The following ZMIZ1 variants were observed in gnomAD, a reference collection of about 807,000 sequenced individuals.
ZMIZ1 encodes zinc finger MIZ domain-containing protein 1.
Under a neutral mutation model 113.9 loss-of-function variants are expected in ZMIZ1, and 17 were observed. The ratio of observed to expected loss-of-function variants is 0.15; its 90% CI spans 0.10 to 0.22. The LOEUF (loss-of-function observed/expected upper bound fraction) is 0.22, where lower values mean the gene tolerates loss of function less well. ZMIZ1 is among the 10% of genes least tolerant of loss of function. ZMIZ1 has a pLI of 1.00. For missense variants in ZMIZ1, 1,059 were observed against 1,477.8 expected (o/e 0.72, Z 4.65); for synonymous variants, 607 against 603.1 (o/e 1.01, Z -0.09).
intron 4 of ZMIZ1, among the ~76,000 whole-genome samples, chr10:79,193,772 C>T (rs540188058): frequency 2.0e-5 from 3 of 152,242 alleles, no homozygotes; most frequent in South Asian, 2.1e-4. Context: ...CCAGGCATTG[C>T]GGGCAGAGGG....
At chr10:79,084,269 A>G (rs931934964) in intron 1 of ZMIZ1, among the ~76,000 whole-genome samples, 36 of 152,058 alleles carry the variant, frequency 2.4e-4, no homozygotes, top group Admixed American at 6.5e-5. Flanking sequence ...TCTCCCTCCC[A>G]CACTCTATTG....
chr10:79,277,382 A>G lies in ZMIZ1; in HGVS notation c.425+57A>G. On this transcript the variant is annotated intron_variant, in intron 8 of 24. Transcript: ENST00000334512. ...TGAGCAGACACCCCTCTGGTCTCAG[A>G]TCTCCTTGGACATGTCCCTGGGGTG... 6 of 1,511,412 alleles carry G rather than the reference A, an allele frequency of 4.0e-6. No homozygotes were observed. The South Asian group carries it at 7.8e-5, about 20-fold the overall frequency. The allele number at this position is 1,511,412 out of a possible 1,614,324, so 93.6% of individuals were successfully genotyped here.
chr10:79,226,384 T>C (rs959732421), intron 7 of ZMIZ1, among the ~76,000 whole-genome samples: 5 of 152,146 alleles, frequency 3.3e-5, no homozygotes, highest in Admixed American at 2.6e-4. Flanking sequence ...ATGCCTGCCT[T>C]CCCGAGCCTT....
intron 3 of ZMIZ1, among the ~76,000 whole-genome samples, chr10:79,155,749 G>A (rs1477915131): frequency 1.3e-5 from 2 of 152,248 alleles, no homozygotes; most frequent in East Asian, 1.9e-4. Flanking sequence ...TCTGCCCCAC[G>A]AATGCAGCTG....
intron 2 of ZMIZ1, among the ~76,000 whole-genome samples, chr10:79,121,277 C>T (rs970067453): frequency 7.2e-5 from 11 of 152,210 alleles, no homozygotes; most frequent in Non-Finnish European, 1.2e-4. Flanking sequence ...GGAAGTAGCA[C>T]AGCCAGAATT....
chr10:79,285,011 G>C (rs1275280752), intron 8 of ZMIZ1, among the ~76,000 whole-genome samples: 1 of 152,188 alleles, frequency 6.6e-6, no homozygotes, highest in Admixed American at 6.5e-5. Context: ...CCCCCAGGAA[G>C]ATGCAGCCCT....
Position 79,298,310 on chromosome 10 carries a change from C to A in ZMIZ1, c.1492-96C>A, listed in dbSNP as rs1410161227. Reference sequence around the variant, plus strand: ...GGCTCTCCTCCCGAGGGGCATGGCTCCAGGCCCCTGGGATGAGTGCGGTGT... The same window carrying A: ...GGCTCTCCTCCCGAGGGGCATGGCTACAGGCCCCTGGGATGAGTGCGGTGT... On this transcript the variant is annotated intron_variant, in intron 14 of 24. Coordinates refer to ENST00000334512, the MANE Select transcript of ZMIZ1 (RefSeq NM_020338.4). The A allele has an allele frequency of 2.9e-6, 4 of 1,387,168 alleles. No individual in the cohort carries two copies. In the East Asian group the frequency reaches 1.0e-4, roughly 36 times the overall value. The allele number at this position is 1,387,168 out of a possible 1,614,324, so 85.9% of individuals were successfully genotyped here. A position where few individuals can be genotyped will look rare whatever the true frequency, so the allele number is the denominator to read the frequency against.
chr10:79,111,134 A>G (rs1843722474), intron 1 of ZMIZ1, among the ~76,000 whole-genome samples: 1 of 152,160 alleles, frequency 6.6e-6, no homozygotes. Flanking sequence ...TCTGTGCCCA[A>G]CTTAATGATA....
In ZMIZ1 at chr10:79,315,748, G is replaced by A. The variant is rs938262337; in HGVS notation, c.*2999G>A. The A allele has an allele frequency of 4.6e-5, 7 of 152,936 alleles. No homozygotes were observed. Among genetic ancestry groups the A allele is most frequent in the Admixed American group, 1.3e-4 (2 of 15,310 alleles). The allele number at this position is 152,936 out of a possible 1,614,324, so 9.5% of individuals were successfully genotyped here. A position where few individuals can be genotyped will look rare whatever the true frequency, so the allele number is the denominator to read the frequency against. ...TCCACACAGGGCCGTGTCAACAGCA[G>A]CGACTCAAGGGACGTGTGTACATAT... is the stretch of plus-strand genomic sequence containing the variant. On this transcript the variant is annotated 3_prime_UTR_variant, in exon 25 of 25. Coordinates refer to ENST00000334512, the MANE Select transcript of ZMIZ1 (RefSeq NM_020338.4).
intron 1 of ZMIZ1, among the ~76,000 whole-genome samples, chr10:79,070,326 C>T (rs977378658): frequency 5.3e-5 from 8 of 151,400 alleles, no homozygotes; most frequent in African/African-American, 1.9e-4. Context: ...GTGCGGAGGG[C>T]AGGCTCCCCG....
At chr10:79,293,725 C>A in intron 12 of ZMIZ1, 72 bp downstream of exon 12, 1 of 1,608,192 alleles carries the variant, frequency 6.2e-7, no homozygotes, top group Non-Finnish European at 8.5e-7. Flanking sequence ...GCCGTGGGTA[C>A]GGCTTTGGAA....
At position 79,126,840 on chromosome 10, in the gene ZMIZ1, G is replaced by A. The variant is rs967356018; in HGVS notation, c.-227+7816G>A. Among the ~76,000 whole-genome samples, 7 of 152,302 alleles carry A rather than the reference G, an allele frequency of 4.6e-5. No homozygotes were observed. In the South Asian group the frequency reaches 1.4e-3, roughly 32 times the overall value. Reference sequence around the variant, plus strand: ...AGCTGATGCTGGGGATATGAGCTGAGGGAAGTATGGGCTTCCCCAGCACCT... The same window carrying A: ...AGCTGATGCTGGGGATATGAGCTGAAGGAAGTATGGGCTTCCCCAGCACCT... On this transcript the variant is annotated intron_variant, in intron 2 of 24. Transcript: ENST00000334512.
chr10:79,073,796 T>G (rs1842379648), intron 1 of ZMIZ1, among the ~76,000 whole-genome samples: 3 of 150,134 alleles, frequency 2.0e-5, no homozygotes, highest in Admixed American at 6.6e-5. Context: ...TGGAGCGGGG[T>G]ATGAGAAGGA....
chr10:79,243,662 C>G, intron 7 of ZMIZ1: 1 of 301,094 alleles, frequency 3.3e-6, no homozygotes, highest in Non-Finnish European at 6.6e-6. Context: ...CCCGGAGTCG[C>G]TCGCCGCGGC....
chr10:79,298,554 A>G lies in ZMIZ1; in HGVS notation c.1640A>G (p.Asn547Ser). The G allele has an allele frequency of 6.2e-7, 1 of 1,601,224 alleles. No individual in the cohort carries two copies. The highest frequency in any genetic ancestry group is 1.1e-5 in the South Asian group (1 of 90,020). ...CCCTTCCCGCCTGACATCAAGCCAA[A>G]TATGAGCGCTCTGCCACCACCCCCA... Reference protein sequence around the residue: ...KPPFPPDIKPNMSALPPPPAN... With the variant: ...KPPFPPDIKPSMSALPPPPAN... The change falls in exon 15 of 25, where the codon AAT becomes AGT. Residue 547 changes from asparagine to serine, a missense_variant. By Grantham distance (46) the Asn-to-Ser change is conservative. Coordinates refer to ENST00000334512, the MANE Select transcript of ZMIZ1 (RefSeq NM_020338.4).
At chr10:79,270,922 G>A (rs897917064) in intron 7 of ZMIZ1, among the ~76,000 whole-genome samples, 4 of 152,110 alleles carry the variant, frequency 2.6e-5, no homozygotes, top group Admixed American at 2.0e-4. Context: ...AGTCCCATGG[G>A]GTGTCCTAGG....
intron 3 of ZMIZ1, among the ~76,000 whole-genome samples, chr10:79,144,331 C>T (rs1845398030): frequency 6.6e-6 from 1 of 152,210 alleles, no homozygotes; most frequent in Non-Finnish European, 1.5e-5. Context: ...AACCCATGCT[C>T]TTATAATCCT....
At chr10:79,166,847 C>T (rs1023168082) in intron 4 of ZMIZ1, among the ~76,000 whole-genome samples, 40 of 152,356 alleles carry the variant, frequency 2.6e-4, no homozygotes, top group East Asian at 3.9e-4. Context: ...GAAGCTCCCT[C>T]GGTCCCCGGC....
rs755988857 is a variant in ZMIZ1, at chr10:79,296,508, A to G, written c.1268A>G (p.Gln423Arg). Residue 423 changes from glutamine to arginine, a missense_variant, in exon 13 of 25, where the codon CAG (glutamine) becomes CGG (arginine). Coordinates refer to ENST00000334512, the MANE Select transcript of ZMIZ1 (RefSeq NM_020338.4). This position sits in a 1 kb window ranked among gnomAD's most constrained non-coding sequence, Gnocchi z 4.1. ...AACCAGCAATATGGACCAAACAGCC[A>G]GTTCCCCACCCAGCCAGGCCAGTAC... ...YGNQQYGPNS[Q>R]FPTQPGQYPA... 1 of 1,613,998 alleles carries G rather than the reference A, an allele frequency of 6.2e-7. No individual in the cohort carries two copies. Among genetic ancestry groups the G allele is most frequent in the South Asian group, 1.1e-5 (1 of 91,080 alleles).
Sources: gnomAD v4.1 joint callset for allele counts (sites outside exome capture counted in the v4.1 genomes callset) on GRCh38, gnomAD v4.1.1 for gene constraint, Gnocchi (gnomAD v3.1) non-coding constraint, MANE v1.5 for transcripts, NCBI Gene and HGNC (gene_info 2026-07-23, HGNC 2026-07-21) for gene names.